CCDC148: variants seen among roughly 807,000 people sequenced by gnomAD.
CCDC148 encodes the protein coiled-coil domain-containing protein 148.
Under a neutral mutation model 85.7 loss-of-function variants are expected in CCDC148, and 89 were observed. The ratio of observed to expected loss-of-function variants is 1.04; its 90% confidence interval spans 0.87 to 1.24. The LOEUF is 1.24. Ranked by LOEUF, CCDC148 falls within the 50% of genes most tolerant of loss-of-function variation. The pLI is 0.00. For missense variants in CCDC148, 692 were observed against 671.7 expected (o/e 1.03, Z -0.33); for synonymous variants, 230 against 213.9 (o/e 1.08, Z -0.66).
intron 7 of CCDC148, among the ~76,000 whole-genome samples, chr2:158,332,736 C>A (rs889321687): frequency 6.6e-6 from 1 of 151,904 alleles, no homozygotes; most frequent in African/African-American, 2.4e-5. Flanking sequence ...CTCAGGGATT[C>A]GACTTCTTCC....
rs564803125 is a variant in CCDC148 at position 158,223,484 on chromosome 2, C to T, written c.1252-2771G>A. 1.3e-3 allele frequency among the ~76,000 whole-genome samples: 198 copies of T among 152,290 alleles called. 1 individual carries two copies. The highest frequency in any genetic ancestry group is 4.5e-3 in the African/African-American group (188 of 41,564). ...TTTGAAGAGTGTAGTGGTTCTCCCA[C>T]CACACAGCTGGAGATCTGAGAACGG... On this transcript the variant is annotated intron_variant, in intron 10 of 13. Coordinates refer to ENST00000283233, the MANE Select transcript of CCDC148 (RefSeq NM_138803.4).
intron 7 of CCDC148, among the ~76,000 whole-genome samples, chr2:158,334,336 CT>C (rs1393404526): frequency 6.6e-6 from 1 of 152,098 alleles, no homozygotes; most frequent in Non-Finnish European, 1.5e-5. Flanking sequence ...TGCGGTCTCA[CT>C]TATTTGATAG....
At chr2:158,451,764 A>C (rs1688413759) in intron 1 of CCDC148, among the ~76,000 whole-genome samples, 1 of 152,096 alleles carries the variant, frequency 6.6e-6, no homozygotes, top group Admixed American at 6.6e-5. Context: ...GATACTAGAT[A>C]GGTAATTCAT....
intron 1 of CCDC148, among the ~76,000 whole-genome samples, chr2:158,445,035 AC>A (rs1171050497): frequency 6.6e-6 from 1 of 152,104 alleles, no homozygotes; most frequent in African/African-American, 2.4e-5. Context: ...GCATACTTAT[AC>A]AAAAAGTTCA....
intron 11 of CCDC148, among the ~76,000 whole-genome samples, chr2:158,218,238 A>G (rs1686992460): frequency 1.3e-5 from 2 of 152,168 alleles, no homozygotes; most frequent in Admixed American, 6.5e-5. Flanking sequence ...AAGTGGATCA[A>G]CTCTGTCCTC....
At chr2:158,181,826 T>A (rs976608688) in intron 11 of CCDC148, among the ~76,000 whole-genome samples, 3 of 151,506 alleles carry the variant, frequency 2.0e-5, no homozygotes, top group Admixed American at 6.6e-5. Context: ...TTTGAAAGCA[T>A]GAGAGGTTTT....
chr2:158,174,454 G>A (rs900847767), intron 13 of CCDC148, among the ~76,000 whole-genome samples: 5 of 150,492 alleles, frequency 3.3e-5, no homozygotes, highest in African/African-American at 4.9e-5. Flanking sequence ...CCCAACCCAT[G>A]CCCACCCCCA....
intron 2 of CCDC148, among the ~76,000 whole-genome samples, chr2:158,347,989 C>T (rs1348991142): frequency 6.6e-6 from 1 of 152,050 alleles, no homozygotes; most frequent in Non-Finnish European, 1.5e-5. Flanking sequence ...CACTGTGAGG[C>T]TACAGAAAGC....
chr2:158,220,895 G>A (rs11896761), intron 10 of CCDC148, among the ~76,000 whole-genome samples, 182 bp from the exon 11 acceptor site: 77,076 of 152,002 alleles, frequency 0.51, 20,069 homozygotes, highest in East Asian at 0.76. Context: ...AAACACAAAG[G>A]TAGATGCCCT....
intron 1 of CCDC148, among the ~76,000 whole-genome samples, chr2:158,383,136 C>T (rs1026230348): frequency 1.3e-5 from 2 of 150,784 alleles, no homozygotes; most frequent in African/African-American, 2.4e-5. Context: ...CCTGTCTCTA[C>T]TAAAAATAAA....
chr2:158,234,037 A>G (rs899172273), intron 10 of CCDC148, among the ~76,000 whole-genome samples: 1 of 152,014 alleles, frequency 6.6e-6, no homozygotes, highest in East Asian at 1.9e-4. Flanking sequence ...TTAGCTGGGC[A>G]TGGTGGTGTG....
chr2:158,177,713 T>C (rs983182378), intron 12 of CCDC148, among the ~76,000 whole-genome samples: 2 of 152,154 alleles, frequency 1.3e-5, no homozygotes, highest in Admixed American at 6.5e-5. Context: ...ATTCCTATGC[T>C]TTAAATTTAT....
At chr2:158,344,480 T>C (rs534232081) in intron 3 of CCDC148, among the ~76,000 whole-genome samples, 1 of 152,228 alleles carries the variant, frequency 6.6e-6, no homozygotes, top group South Asian at 2.1e-4. Context: ...TATTTTGATA[T>C]AAAATAAATG....
intron 7 of CCDC148, among the ~76,000 whole-genome samples, chr2:158,337,617 G>C (rs1377891369): frequency 6.6e-6 from 1 of 152,128 alleles, no homozygotes; most frequent in Non-Finnish European, 1.5e-5. Context: ...AAAGGAGAGA[G>C]ATGGGGAAGG....
At chr2:158,425,852 G>C (rs1188741623) in intron 1 of CCDC148, among the ~76,000 whole-genome samples, 2 of 152,138 alleles carry the variant, frequency 1.3e-5, no homozygotes, top group Admixed American at 6.5e-5. Flanking sequence ...ACTGTCCTGA[G>C]ACAAAGTCAC....
intron 11 of CCDC148, among the ~76,000 whole-genome samples, chr2:158,179,304 A>T (rs1008821055): frequency 1.3e-5 from 2 of 148,970 alleles, no homozygotes; most frequent in South Asian, 4.2e-4. Flanking sequence ...GATTACAGGT[A>T]CCCGCCACCA....
At chr2:158,377,098 C>A (rs1008617075) in intron 1 of CCDC148, among the ~76,000 whole-genome samples, 3 of 152,052 alleles carry the variant, frequency 2.0e-5, no homozygotes, top group African/African-American at 7.2e-5. Context: ...TCCTTTATTT[C>A]ATAATCTCTT....
At chr2:158,201,114 T>G (rs1038979384) in intron 11 of CCDC148, among the ~76,000 whole-genome samples, 1 of 152,174 alleles carries the variant, frequency 6.6e-6, no homozygotes, top group Admixed American at 6.5e-5. Context: ...CTTACTGTGA[T>G]GCTTTCTAGA....
At chr2:158,357,710 T>A (rs1683733939) in intron 2 of CCDC148, among the ~76,000 whole-genome samples, 1 of 152,128 alleles carries the variant, frequency 6.6e-6, no homozygotes. Context: ...GAATAGAGTA[T>A]CAAATGTGCT....
Sources: gnomAD v4.1 joint callset for allele counts (sites outside exome capture counted in the v4.1 genomes callset) on GRCh38, gnomAD v4.1.1 for gene constraint, MANE v1.5 for transcripts, NCBI Gene and HGNC (gene_info 2026-07-23, HGNC 2026-07-21) for gene names.